FHOD3: variants seen among roughly 807,000 people sequenced by gnomAD.
The protein encoded by FHOD3 is FH1/FH2 domain-containing protein 3.
A neutral mutation model predicts 173.0 loss-of-function variants in FHOD3; 90 were observed. The ratio of observed to expected loss-of-function variants is 0.52; its 90% CI spans 0.44 to 0.62. The LOEUF is 0.62. FHOD3 is among the 20% of genes least tolerant of loss of function. The pLI is 0.00. For synonymous variants in FHOD3, 828 were observed against 823.0 expected (o/e 1.01, Z -0.10); for missense variants, 1,945 against 2,034.7 (o/e 0.96, Z 0.85).
intron 9 of FHOD3, among the ~76,000 whole-genome samples, chr18:36,622,259 T>C (rs2033773044): frequency 6.6e-6 from 1 of 152,238 alleles, no homozygotes; most frequent in Non-Finnish European, 1.5e-5. Flanking sequence ...ATATGTGCTA[T>C]ACCACATCGT....
intron 3 of FHOD3, among the ~76,000 whole-genome samples, chr18:36,482,056 A>G (rs776919124): frequency 3.9e-5 from 6 of 152,192 alleles, no homozygotes; most frequent in Non-Finnish European, 7.3e-5. Context: ...TAAAAAAAAG[A>G]AGGTGGTGGA....
intron 7 of FHOD3, among the ~76,000 whole-genome samples, chr18:36,595,761 G>T (rs2030245754): frequency 6.6e-6 from 1 of 152,150 alleles, no homozygotes; most frequent in South Asian, 2.1e-4. Flanking sequence ...GGGAAGCCTG[G>T]AATTAAAATG....
At chr18:36,690,805 A>G (rs1228300597) in intron 16 of FHOD3, among the ~76,000 whole-genome samples, 1 of 152,192 alleles carries the variant, frequency 6.6e-6, no homozygotes, top group Non-Finnish European at 1.5e-5. Context: ...TTAAATGTGT[A>G]TTTCAGTAGC....
intron 5 of FHOD3, among the ~76,000 whole-genome samples, chr18:36,519,973 T>TTTTTA (rs1555738659): frequency 1.3e-5 from 2 of 150,130 alleles, no homozygotes; most frequent in African/African-American, 4.9e-5. Flanking sequence ...TTTTTTTTTT[T>TTTTTA]AAAGAGATGT....
chr18:36,705,934 C>T (rs531673572), intron 17 of FHOD3, among the ~76,000 whole-genome samples: 1 of 149,452 alleles, frequency 6.7e-6, no homozygotes, highest in Admixed American at 6.7e-5. Context: ...GGCTTAGAGA[C>T]ACTCAGAAGG....
chr18:36,490,067 C>T (rs759953522), intron 3 of FHOD3, among the ~76,000 whole-genome samples: 47 of 152,296 alleles, frequency 3.1e-4, no homozygotes, highest in Middle Eastern at 3.4e-3. Context: ...AACAGCATCA[C>T]GGTGCTGCCT....
intron 3 of FHOD3, among the ~76,000 whole-genome samples, chr18:36,375,314 A>T (rs1048081601): frequency 6.6e-6 from 1 of 152,138 alleles, no homozygotes; most frequent in African/African-American, 2.4e-5. Context: ...CCTCTTTACC[A>T]CAGAAGAAAT....
At chr18:36,743,992 C>T (rs1412434189) in intron 22 of FHOD3, 40 bp from the exon 23 acceptor site, 4 of 1,610,724 alleles carry the variant, frequency 2.5e-6, no homozygotes, top group Non-Finnish European at 3.4e-6. Context: ...TCTCTAAGAG[C>T]CTGCTTGAAA....
intron 10 of FHOD3, among the ~76,000 whole-genome samples, chr18:36,645,553 C>T (rs2035621967): frequency 6.6e-6 from 1 of 152,182 alleles, no homozygotes; most frequent in South Asian, 2.1e-4. Context: ...TCTCTCCCTT[C>T]TTAGTTACAT....
At chr18:36,438,044 G>C (rs1302669485) in intron 3 of FHOD3, among the ~76,000 whole-genome samples, 4 of 152,134 alleles carry the variant, frequency 2.6e-5, no homozygotes, top group Non-Finnish European at 5.9e-5. Context: ...GAGGCTGCCT[G>C]CAGGGGATGC....
chr18:36,635,600 T>C (rs535439651), intron 10 of FHOD3, among the ~76,000 whole-genome samples: 24 of 152,258 alleles, frequency 1.6e-4, no homozygotes, highest in Admixed American at 1.6e-3. Flanking sequence ...TGTAGGACAA[T>C]GACTGGATTG....
Position 36,297,956 on chromosome 18 carries a change from A to G in FHOD3, c.121A>G (p.Thr41Ala). The G allele has an allele frequency of 6.4e-7, 1 of 1,565,846 alleles. No individual in the cohort carries two copies. Among genetic ancestry groups the G allele is most frequent in the Non-Finnish European group, 8.6e-7 (1 of 1,157,314 alleles). ...FTFREDLALGTQLAGVHRLLQ... is the reference protein window; with the variant it reads ...FTFREDLALGAQLAGVHRLLQ... ...GTTCCGCGAGGACCTCGCGCTCGGC[A>G]CCCAGCTGGCGGGGGTCCATAGGCT... is the stretch of plus-strand genomic sequence containing the variant. The change falls in exon 1 of 29, where the codon ACC becomes GCC. Residue 41 changes from threonine (T) to alanine (A), a missense_variant. By Grantham distance (58) the Thr-to-Ala change is moderately conservative. This residue lies in a region of FHOD3 where 245 missense variants were observed against 267.7 expected (regional missense o/e 0.92). Coordinates refer to ENST00000590592, the MANE Select transcript of FHOD3 (RefSeq NM_001281740.3).
At position 36,584,617 on chromosome 18, in the gene FHOD3, AT is replaced by A. The variant is rs1377635682; in HGVS notation, c.606+8079del. On this transcript the variant is annotated intron_variant, in intron 6 of 28. Transcript: ENST00000590592. ...ATTAATAGAAATTCAATTAAGACTA[AT>A]TTTTTTATAATTCAGTTAATGATTA... Among the ~76,000 whole-genome samples, 7 of 152,238 alleles carry A rather than the reference AT, an allele frequency of 4.6e-5. No individual in the cohort carries two copies. In the South Asian group the frequency reaches 8.3e-4, roughly 18 times the overall value.
rs368965765 is a variant in FHOD3 at position 36,562,073 on chromosome 18, A to G, written c.512-14378A>G. Among the ~76,000 whole-genome samples the G allele has an allele frequency of 3.2e-4, 48 of 151,862 alleles. No individual in the cohort carries two copies. In the East Asian group the frequency reaches 7.4e-3, roughly 23 times the overall value. ...ACTCTGTTACCCAGGCTGGAGTGCA[A>G]TGGCGCAATGTTGGCTCACTGCAAC... On this transcript the variant is annotated intron_variant, in intron 5 of 28. Coordinates refer to ENST00000590592, the MANE Select transcript of FHOD3 (RefSeq NM_001281740.3).
chr18:36,360,898 C>T (rs1020680895), intron 2 of FHOD3, among the ~76,000 whole-genome samples: 2 of 152,198 alleles, frequency 1.3e-5, no homozygotes, highest in Admixed American at 6.5e-5. Context: ...GTTTCCTCTG[C>T]ATTTTAGACT....
intron 3 of FHOD3, among the ~76,000 whole-genome samples, chr18:36,408,796 C>A (rs1206815381): frequency 6.6e-6 from 1 of 152,134 alleles, no homozygotes; most frequent in East Asian, 1.9e-4. Context: ...AGGAGCCAAG[C>A]CTGGAGCATG....
chr18:36,691,745 A>G (rs762017023), intron 16 of FHOD3, among the ~76,000 whole-genome samples: 1 of 152,246 alleles, frequency 6.6e-6, no homozygotes, highest in Non-Finnish European at 1.5e-5. Flanking sequence ...CTCCCTCAGC[A>G]TCCTGGGCTG....
chr18:36,763,353 A>G (rs2042988625), intron 27 of FHOD3, among the ~76,000 whole-genome samples: 1 of 141,848 alleles, frequency 7.0e-6, no homozygotes, highest in Non-Finnish European at 1.5e-5. Context: ...TGCGTATTAT[A>G]CACGTTATAT....
chr18:36,568,411 T>C (rs1418716601), intron 5 of FHOD3, among the ~76,000 whole-genome samples: 1 of 112,720 alleles, frequency 8.9e-6, no homozygotes, highest in Admixed American at 1.0e-4. Flanking sequence ...ATCAGGAATA[T>C]AATGGAGAAG....
Sources: gnomAD v4.1 joint callset for allele counts (sites outside exome capture counted in the v4.1 genomes callset) on GRCh38, gnomAD v4.1.1 for gene constraint, gnomAD v4.1.1 regional missense constraint, MANE v1.5 for transcripts, NCBI Gene and HGNC (gene_info 2026-07-23, HGNC 2026-07-21) for gene names.